FRMD1: variants seen among roughly 807,000 people sequenced by gnomAD.
FRMD1 encodes the protein FERM domain containing 1.
Under a neutral mutation model 54.9 loss-of-function variants are expected in FRMD1, and 51 were observed. The observed-to-expected ratio is 0.93, with a 90% CI of 0.74 to 1.17. The LOEUF is 1.17. Among genes scored for constraint, FRMD1 ranks in the 50% most tolerant of loss-of-function variants. FRMD1 has a pLI of 0.00. For missense variants in FRMD1, 729 were observed against 743.0 expected (o/e 0.98, Z 0.22); for synonymous variants, 324 against 306.4 (o/e 1.06, Z -0.60).
upstream of FRMD1, chr6:168,079,262 G>A: frequency 7.6e-7 from 1 of 1,316,054 alleles, no homozygotes; most frequent in East Asian, 2.6e-5. Flanking sequence ...CAGGACAAGG[G>A]TCAGAGCTGC....
Position 168,079,185 on chromosome 6 carries a change from T to A in FRMD1, c.-91A>T, listed in dbSNP as rs528824934. 188 of 1,426,890 alleles carry A rather than the reference T, an allele frequency of 1.3e-4. 7 individuals carry two copies. In the South Asian group the frequency reaches 2.7e-3, roughly 20 times the overall value. 88.4% of individuals were successfully genotyped at this position (1,426,890 alleles called of 1,614,324 possible). On this transcript the variant is annotated 5_prime_UTR_variant, in exon 1 of 11. Transcript: ENST00000283309. The stretch of plus-strand genomic sequence containing the variant: ...AGCTGTGCTTTCCGGGACCCGCCCT[T>A]GCCGAGCTTCTCACTGGGAAGGGAA...
At chr6:168,087,857 C>T (rs1466506712) in intron 1 of FRMD1, among the ~76,000 whole-genome samples, 1 of 152,158 alleles carries the variant, frequency 6.6e-6, no homozygotes, top group Admixed American at 6.5e-5. Context: ...CACGGAGACC[C>T]CCGGACCCTC....
rs1015227819 is a variant in FRMD1 at position 168,059,253 on chromosome 6, G to A, written c.1343-65C>T. 3 of 1,365,728 alleles carry A rather than the reference G, an allele frequency of 2.2e-6. No homozygotes were observed. Among genetic ancestry groups the A allele is most frequent in the Non-Finnish European group, 3.0e-6 (3 of 992,332 alleles). 84.6% of individuals were successfully genotyped at this position (1,365,728 alleles called of 1,614,324 possible). ...CTGCCCGACATGGCTCCTCCCCAGG[G>A]CAGTTCCCTGCACTTCTGGGGCCCT... On this transcript the variant is annotated intron_variant, in intron 9 of 10. Transcript: ENST00000283309. This position sits in a 1 kb window ranked among gnomAD's most constrained non-coding sequence, Gnocchi z 4.4.
chr6:168,081,921 T>A (rs1800838752), upstream of FRMD1: 1 of 171,274 alleles, frequency 5.8e-6, no homozygotes, highest in Admixed American at 6.2e-5. Context: ...GCAAACTATA[T>A]CTCAATAAAG....
intron 1 of FRMD1, among the ~76,000 whole-genome samples, chr6:168,090,778 A>T (rs2115034074): frequency 6.6e-6 from 1 of 152,350 alleles, no homozygotes; most frequent in East Asian, 1.9e-4. Flanking sequence ...GAGGAAACAG[A>T]TGACACCCAG....
At chr6:168,065,079 G>A (rs745610500) in intron 4 of FRMD1, 22 bp from the exon 5 acceptor site, 6 of 1,586,062 alleles carry the variant, frequency 3.8e-6, no homozygotes, top group East Asian at 2.3e-5. Flanking sequence ...CAGGGAGTGA[G>A]TTCCAGGACG....
In FRMD1 at chr6:168,066,807, A is replaced by AG; in HGVS notation, c.408dup (p.Phe137LeufsTer57). 1.9e-6 allele frequency: 3 copies of AG among 1,614,008 alleles called. No individual in the cohort carries two copies. Among genetic ancestry groups the AG allele is most frequent in the Non-Finnish European group, 2.5e-6 (3 of 1,179,992 alleles). On this transcript the variant is annotated frameshift_variant, in exon 4 of 11. Coordinates refer to ENST00000283309, the MANE Select transcript of FRMD1 (RefSeq NM_024919.6). LOFTEE classifies it high-confidence loss of function. ...TGCTGCACTCGGAGGAAGGCCACGAAGGGGGCTCTGGGTTTCTCATTTCCC... is the reference window on the plus strand; with the variant it reads ...TGCTGCACTCGGAGGAAGGCCACGAAGGGGGGCTCTGGGTTTCTCATTTCCC...
intron 2 of FRMD1, among the ~76,000 whole-genome samples, chr6:168,072,153 C>T (rs2114999209): frequency 6.6e-6 from 1 of 152,356 alleles, no homozygotes; most frequent in African/African-American, 2.4e-5. Context: ...TCCTTGGCCA[C>T]CGGGAACCTG....
intron 1 of FRMD1, among the ~76,000 whole-genome samples, chr6:168,076,611 C>T (rs1300807036): frequency 6.6e-6 from 1 of 152,206 alleles, no homozygotes; most frequent in Non-Finnish European, 1.5e-5. Context: ...TGCCTTCTGC[C>T]ATGACTGTAA....
At chr6:168,065,352 C>T (rs1288050477) in intron 4 of FRMD1, 2 of 1,202,766 alleles carry the variant, frequency 1.7e-6, no homozygotes, top group Non-Finnish European at 1.0e-6. Context: ...CCAAACCAAG[C>T]CCCAGTGCAG....
upstream of FRMD1, among the ~76,000 whole-genome samples, chr6:168,079,418 C>T (rs955247467): frequency 1.3e-5 from 2 of 152,212 alleles, no homozygotes; most frequent in African/African-American, 4.8e-5. Context: ...AGACAGGACC[C>T]AACTCCTCCA....
chr6:168,081,203 C>A, upstream of FRMD1: 1 of 681,486 alleles, frequency 1.5e-6, no homozygotes, highest in Non-Finnish European at 2.2e-6. Context: ...TGCTGAGGCT[C>A]CAAGGCAAGG....
In FRMD1 at chr6:168,059,974, G is replaced by A. The variant is rs1378351499; in HGVS notation, c.1343-786C>T. Among the ~76,000 whole-genome samples the A allele has an allele frequency of 4.6e-5, 7 of 151,882 alleles. No individual in the cohort carries two copies. The highest frequency in any genetic ancestry group is 4.6e-4 in the Admixed American group (7 of 15,278). ...TCTAACCCAGGCTTTCTGATGGGAG[G>A]GAAGCTGGTAGGACAGGGCTTCCTA... On this transcript the variant is annotated intron_variant, in intron 9 of 10. Coordinates refer to ENST00000283309, the MANE Select transcript of FRMD1 (RefSeq NM_024919.6). The surrounding 1 kb of genome is among the most constrained non-coding windows in gnomAD (Gnocchi z 4.4).
In FRMD1 at chr6:168,065,012, G is replaced by A. The variant is rs776537574; in HGVS notation, c.507C>T (p.Arg169=). 19 of 1,611,318 alleles carry A rather than the reference G, an allele frequency of 1.2e-5. No individual in the cohort carries two copies. Among genetic ancestry groups the A allele is most frequent in the South Asian group, 3.3e-5 (3 of 91,042 alleles). Residue 169 remains arginine (R), a synonymous_variant, in exon 5 of 11, where the codon CGC becomes CGT. Transcript: ENST00000283309. The stretch of plus-strand genomic sequence containing the variant: ...GGTGAGCGCACTGTGACCTCAGCAC[G>A]CGCTCCTTCAAGTGGCAGTAGTACA... ...RHLYYCHLKE[R]VLRSQCAHRE... is the part of the protein sequence containing the mutation.
Position 168,056,087 on chromosome 6 carries a change from C to G in FRMD1, c.*1010G>C, listed in dbSNP as rs1021780879. 3 of 152,384 alleles carry G rather than the reference C, an allele frequency of 2.0e-5. No homozygotes were observed. The highest frequency in any genetic ancestry group is 1.3e-4 in the Admixed American group (2 of 15,290). The allele number at this position is 152,384 out of a possible 1,614,324, so 9.4% of individuals were successfully genotyped here. ...TGCTCTGGGATGGGCCTGAGACTAG[C>G]AGGGATGCACGGGCCATTCCTCTAA... On this transcript the variant is annotated 3_prime_UTR_variant, in exon 11 of 11. Coordinates refer to ENST00000283309, the MANE Select transcript of FRMD1 (RefSeq NM_024919.6).
chr6:168,073,182 C>G (rs1583196578), intron 2 of FRMD1, among the ~76,000 whole-genome samples: 2 of 151,786 alleles, frequency 1.3e-5, no homozygotes, highest in South Asian at 2.1e-4. Flanking sequence ...TAGTTTCCCA[C>G]CTCCCCACCC....
At chr6:168,088,806 T>G (rs535491915) in intron 1 of FRMD1, among the ~76,000 whole-genome samples, 151 of 61,856 alleles carry the variant, frequency 2.4e-3, no homozygotes, top group African/African-American at 6.2e-3. Flanking sequence ...GCAAGGCAAA[T>G]GTTAACTCTC....
chr6:168,085,992 CAA>C (rs1800911605), upstream of FRMD1, among the ~76,000 whole-genome samples: 1 of 152,230 alleles, frequency 6.6e-6, no homozygotes, highest in Non-Finnish European at 1.5e-5. Context: ...CGAAAAAGTG[CAA>C]AGAGTAGAAC....
rs1799747843 is a variant in FRMD1, at chr6:168,061,791, C to T, written c.1045+16G>A. The T allele has an allele frequency of 1.3e-6, 2 of 1,541,884 alleles. No homozygotes were observed. The highest frequency in any genetic ancestry group is 1.7e-6 in the Non-Finnish European group (2 of 1,144,378). On this transcript the variant is annotated intron_variant, in intron 8 of 10. Transcript: ENST00000283309. ...CAGTCCGGCTGCGGAGCCCAGCATA[C>T]CCAGCCCAGCCCCACCTTCTGCCTC...
Sources: allele counts gnomAD v4.1 joint callset (sites outside exome capture counted in the v4.1 genomes callset), GRCh38; gene constraint gnomAD v4.1.1; non-coding constraint Gnocchi (gnomAD v3.1); transcripts MANE v1.5; gene names NCBI Gene and HGNC (gene_info 2026-07-23, HGNC 2026-07-21).